Variants in CSTPP1 observed in about 807,000 individuals in gnomAD.
CSTPP1 encodes the protein UPF0705 protein C11orf49.
chr11:47,067,930 G>A, the CSTPP1 span, among the ~76,000 whole-genome samples: 55 of 151,964 alleles, frequency 3.6e-4, no homozygotes, highest in African/African-American at 1.1e-3. Flanking sequence ...GTGACCCTGC[G>A]TTATCAAATT....
At chr11:46,971,357 A>G in the CSTPP1 span, among the ~76,000 whole-genome samples, 1 of 152,230 alleles carries the variant, frequency 6.6e-6, no homozygotes, top group Non-Finnish European at 1.5e-5. Context: ...GGACATCTGC[A>G]AGGAAATTGG....
chr11:47,117,064 C>G, the CSTPP1 span, among the ~76,000 whole-genome samples: 1 of 152,206 alleles, frequency 6.6e-6, no homozygotes, highest in Non-Finnish European at 1.5e-5. Flanking sequence ...ATACAGTACA[C>G]TGATAGGTCT....
the CSTPP1 span, among the ~76,000 whole-genome samples, chr11:47,033,900 A>T: frequency 6.6e-6 from 1 of 152,140 alleles, no homozygotes; most frequent in South Asian, 2.1e-4. Flanking sequence ...CCATTTTGAT[A>T]CCTTTGGTGT....
At chr11:47,091,359 G>A in the CSTPP1 span, among the ~76,000 whole-genome samples, 2 of 151,552 alleles carry the variant, frequency 1.3e-5, no homozygotes, top group Non-Finnish European at 2.9e-5. Context: ...GGGTGACAGA[G>A]CGAGACTCCA....
chr11:47,052,288 C>A, the CSTPP1 span: 17 of 1,427,292 alleles, frequency 1.2e-5, no homozygotes, highest in East Asian at 4.9e-5. Flanking sequence ...AGAAAAATTC[C>A]CCGTTTTTGG....
the CSTPP1 span, among the ~76,000 whole-genome samples, chr11:46,998,923 G>C: frequency 6.6e-5 from 10 of 151,964 alleles, no homozygotes; most frequent in Non-Finnish European, 1.3e-4. Context: ...TGTATTTTTA[G>C]TAGAGAGGGG....
At chr11:47,038,160 C>T in the CSTPP1 span, among the ~76,000 whole-genome samples, 1 of 83,114 alleles carries the variant, frequency 1.2e-5, no homozygotes, top group Non-Finnish European at 3.1e-5. Flanking sequence ...GGGCGGACCC[C>T]CCCACCTCCC....
chr11:47,021,777 C>T, the CSTPP1 span, among the ~76,000 whole-genome samples: 59 of 152,224 alleles, frequency 3.9e-4, 1 homozygote, highest in Admixed American at 1.4e-3. Flanking sequence ...AAAGTGATTC[C>T]GGCTAGTAAA....
At chr11:47,098,424 G>T in the CSTPP1 span, among the ~76,000 whole-genome samples, 1 of 151,922 alleles carries the variant, frequency 6.6e-6, no homozygotes, top group Admixed American at 6.6e-5. Flanking sequence ...GTCTAGAGCA[G>T]GGCTTCAGAT....
At chr11:47,142,755 C>A in the CSTPP1 span, among the ~76,000 whole-genome samples, 31 of 152,266 alleles carry the variant, frequency 2.0e-4, no homozygotes, top group African/African-American at 7.2e-4. Context: ...GAAAGCACCA[C>A]AAGATTTGAG....
At chr11:47,013,444 C>G in the CSTPP1 span, among the ~76,000 whole-genome samples, 1 of 152,118 alleles carries the variant, frequency 6.6e-6, no homozygotes, top group Non-Finnish European at 1.5e-5. Flanking sequence ...GTTCCCATCC[C>G]CATGTCCATG....
the CSTPP1 span, among the ~76,000 whole-genome samples, chr11:47,076,270 G>T: frequency 6.6e-6 from 1 of 152,264 alleles, no homozygotes; most frequent in Non-Finnish European, 1.5e-5. Context: ...GCTTCCAAAT[G>T]AATATACCCC....
the CSTPP1 span, among the ~76,000 whole-genome samples, chr11:47,113,353 C>T: frequency 2.0e-5 from 3 of 152,088 alleles, no homozygotes; most frequent in African/African-American, 7.2e-5. Flanking sequence ...TGAGTATATA[C>T]CTAGTAATGG....
the CSTPP1 span, among the ~76,000 whole-genome samples, chr11:47,114,798 A>G: frequency 6.6e-6 from 1 of 152,070 alleles, no homozygotes; most frequent in African/African-American, 2.4e-5. Flanking sequence ...TGACTTCCTT[A>G]TATCCTAATT....
the CSTPP1 span, among the ~76,000 whole-genome samples, chr11:46,976,560 A>G: frequency 6.6e-6 from 1 of 152,198 alleles, no homozygotes; most frequent in African/African-American, 2.4e-5. Flanking sequence ...TTCCTCTGCT[A>G]TAAAATAAGG....
chr11:47,014,737 G>A, the CSTPP1 span, among the ~76,000 whole-genome samples: 32 of 135,460 alleles, frequency 2.4e-4, no homozygotes, highest in African/African-American at 8.5e-4. Flanking sequence ...GAAAGAGAGA[G>A]AGAAGGAAAG....
At chr11:47,044,870 C>G in the CSTPP1 span, among the ~76,000 whole-genome samples, 1 of 152,138 alleles carries the variant, frequency 6.6e-6, no homozygotes, top group Non-Finnish European at 1.5e-5. Flanking sequence ...GGTCATGCTA[C>G]TGCACTCCAG....
At chr11:47,092,719 A>G in the CSTPP1 span, among the ~76,000 whole-genome samples, 1 of 152,188 alleles carries the variant, frequency 6.6e-6, no homozygotes, top group Admixed American at 6.5e-5. Flanking sequence ...AATTTCCCCA[A>G]TTGTTCCTAA....
the CSTPP1 span, among the ~76,000 whole-genome samples, chr11:47,050,494 T>C: frequency 6.6e-6 from 1 of 152,156 alleles, no homozygotes; most frequent in Admixed American, 6.5e-5. Flanking sequence ...ACGATGGAAA[T>C]TGGGCATGGG....
Sources: gnomAD v4.1 joint callset for allele counts (sites outside exome capture counted in the v4.1 genomes callset) on GRCh38, gnomAD v4.1.1 for gene constraint, MANE v1.5 for transcripts, NCBI Gene and HGNC (gene_info 2026-07-23, HGNC 2026-07-21) for gene names.